Variants in ZNF469 observed in about 807,000 individuals in gnomAD.
The protein encoded by ZNF469 is zinc finger protein 469.
ZNF469 carries 1 observed loss-of-function variant against 1.0 expected under a neutral mutation model. The ratio of observed to expected loss-of-function variants is 1.00; its 90% CI spans 0.35 to 4.73. The LOEUF (loss-of-function observed/expected upper bound fraction) is 4.73, where lower values mean the gene tolerates loss of function less well. ZNF469 is among the 30% of genes most tolerant of loss of function. The pLI is 0.16. For missense variants in ZNF469, 6,100 were observed against 5,356.3 expected (o/e 1.14, Z -4.33); for synonymous variants, 2,703 against 2,363.4 (o/e 1.14, Z -4.17).
At chr16:88,350,178 C>T in the ZNF469 span, among the ~76,000 whole-genome samples, 1 of 152,218 alleles carries the variant, frequency 6.6e-6, no homozygotes, top group African/African-American at 2.4e-5. Flanking sequence ...CACGTTTAAA[C>T]ACAAGGCAGC....
At chr16:88,116,948 CAT>C in the ZNF469 span, among the ~76,000 whole-genome samples, 1 of 111,638 alleles carries the variant, frequency 9.0e-6, no homozygotes, top group Non-Finnish European at 1.9e-5. Flanking sequence ...GCCTGAAGTG[CAT>C]GCGTGCACAC....
the ZNF469 span, among the ~76,000 whole-genome samples, chr16:88,348,537 G>A: frequency 0.042 from 6,444 of 152,282 alleles, 239 homozygotes; most frequent in South Asian, 0.14. Context: ...CCCAGAACTG[G>A]GATGACCTGC....
the ZNF469 span, among the ~76,000 whole-genome samples, chr16:88,369,092 G>GTA: frequency 6.8e-3 from 993 of 145,370 alleles, 8 homozygotes; most frequent in Non-Finnish European, 0.01. Context: ...AAAAAAAAAA[G>GTA]CCCTGGGCGG....
chr16:88,217,109 G>T, the ZNF469 span, among the ~76,000 whole-genome samples: 3 of 152,056 alleles, frequency 2.0e-5, no homozygotes, highest in East Asian at 1.9e-4. Context: ...GTTTTTGGTC[G>T]TGTGGTCCTG....
chr16:88,128,973 G>T, the ZNF469 span, among the ~76,000 whole-genome samples: 4 of 152,272 alleles, frequency 2.6e-5, no homozygotes, highest in Non-Finnish European at 5.9e-5. Context: ...GGAAAATGCA[G>T]CACACTGGGA....
At chr16:88,412,028 C>T (rs1163323925) in intron 1 of ZNF469, among the ~76,000 whole-genome samples, 4 of 152,300 alleles carry the variant, frequency 2.6e-5, no homozygotes, top group Non-Finnish European at 4.4e-5. Context: ...TTGGTCTCGC[C>T]TCTGTCTCCT....
chr16:88,114,440 G>A, the ZNF469 span, among the ~76,000 whole-genome samples: 280 of 151,240 alleles, frequency 1.9e-3, no homozygotes, highest in African/African-American at 6.5e-3. Context: ...GGGGGTCTCC[G>A]GGGAGAATGA....
At chr16:88,245,870 G>A in the ZNF469 span, among the ~76,000 whole-genome samples, 5 of 152,276 alleles carry the variant, frequency 3.3e-5, no homozygotes, top group East Asian at 1.9e-4. Flanking sequence ...TGTGTGTCCC[G>A]GTGACAAAGG....
chr16:88,416,166 C>A (rs76850732), intron 1 of ZNF469, among the ~76,000 whole-genome samples: 3,933 of 152,292 alleles, frequency 0.026, 72 homozygotes, highest in Non-Finnish European at 0.042. Flanking sequence ...CATTAAACCT[C>A]GGCTGGGGCA....
chr16:88,388,498 T>A (rs1904400850), intron 1 of ZNF469, among the ~76,000 whole-genome samples: 1 of 152,258 alleles, frequency 6.6e-6, no homozygotes, highest in Non-Finnish European at 1.5e-5. Context: ...CCAAGGTGGC[T>A]GTGTGTAAAC....
chr16:88,243,331 G>T, the ZNF469 span, among the ~76,000 whole-genome samples: 42 of 152,292 alleles, frequency 2.8e-4, 1 homozygote, highest in Middle Eastern at 3.4e-3. Flanking sequence ...CTCTTCCATG[G>T]TCATACCAGT....
At chr16:88,322,764 C>T in the ZNF469 span, among the ~76,000 whole-genome samples, 1 of 152,240 alleles carries the variant, frequency 6.6e-6, no homozygotes. Flanking sequence ...CAGGCCCTCC[C>T]CGTGCCCACC....
chr16:88,392,526 G>A lies in ZNF469; in HGVS notation c.-192+9272G>A, dbSNP rs79471650. On this transcript the variant is annotated intron_variant, in intron 1 of 2. Coordinates refer to ENST00000565624, the MANE Select transcript of ZNF469 (RefSeq NM_001367624.2). ...CGGTGGGCCTGGATCAGACCCCCTC[G>A]GGGGCTGGTTAAGCCACACATTCCC... is the stretch of plus-strand genomic sequence containing the variant. Among the ~76,000 whole-genome samples the A allele has an allele frequency of 2.5e-4, 38 of 152,320 alleles. No individual in the cohort carries two copies. The East Asian group carries it at 6.7e-3, about 27-fold the overall frequency.
chr16:88,426,552 A>G (rs1470627986), intron 2 of ZNF469, among the ~76,000 whole-genome samples: 3 of 152,260 alleles, frequency 2.0e-5, no homozygotes, highest in Non-Finnish European at 4.4e-5. Flanking sequence ...GGCTCCTGCT[A>G]CATCTGGCAT....
the ZNF469 span, among the ~76,000 whole-genome samples, chr16:88,157,027 G>C: frequency 3.0e-4 from 45 of 152,210 alleles, no homozygotes; most frequent in African/African-American, 1.0e-3. Flanking sequence ...GATGGGCCTC[G>C]GTGCCGGGGT....
Position 88,428,394 on chromosome 16 carries a change from G to T in ZNF469, c.924G>T (p.Gln308His). Residue 308 changes from glutamine to histidine, a missense_variant, in exon 3 of 3, where the codon CAG (glutamine) becomes CAT (histidine). Physicochemically the swap from Gln to His is conservative, Grantham distance 24. Transcript: ENST00000565624. ...GGCCACTGGTGTTTGCCTTCCATCA[G>T]CCCCAGGGAGCGTGGCCGGAGGAGG... The part of the protein sequence containing the change: ...TNGPLVFAFH[Q>H]PQGAWPEEAV... 1 of 1,548,302 alleles carries T rather than the reference G, an allele frequency of 6.5e-7. No homozygotes were observed.
the ZNF469 span, among the ~76,000 whole-genome samples, chr16:88,224,365 T>G: frequency 1.3e-5 from 2 of 152,220 alleles, no homozygotes; most frequent in Non-Finnish European, 2.9e-5. Flanking sequence ...GTGAGTGATT[T>G]CTTCCTGGTT....
the ZNF469 span, among the ~76,000 whole-genome samples, chr16:88,238,200 C>T: frequency 0.013 from 2,022 of 152,296 alleles, 24 homozygotes; most frequent in African/African-American, 0.045. Context: ...GCCATGTGGC[C>T]GGCAGCACCC....
chr16:88,195,533 G>A, the ZNF469 span, among the ~76,000 whole-genome samples: 1 of 152,302 alleles, frequency 6.6e-6, no homozygotes, highest in Non-Finnish European at 1.5e-5. Flanking sequence ...GCTGATCCTG[G>A]CCAAGAGACA....
Sources: gnomAD v4.1 joint callset for allele counts (sites outside exome capture counted in the v4.1 genomes callset) on GRCh38, gnomAD v4.1.1 for gene constraint, MANE v1.5 for transcripts, NCBI Gene and HGNC (gene_info 2026-07-23, HGNC 2026-07-21) for gene names.